The following MED12L variants were observed in gnomAD, a reference collection of about 807,000 sequenced individuals.
MED12L encodes mediator of RNA polymerase II transcription subunit 12-like protein.
Under a neutral mutation model 281.3 loss-of-function variants are expected in MED12L, and 60 were observed. The ratio of observed to expected loss-of-function variants is 0.21; its 90% CI spans 0.17 to 0.26. The LOEUF is 0.26. Among genes scored for constraint, MED12L ranks in the 10% least tolerant of loss-of-function variants. The pLI is 1.00. For synonymous variants in MED12L, 974 were observed against 987.2 expected, an observed-to-expected ratio of 0.99 and a Z score of 0.25; for missense variants, 2,146 against 2,680.9, an observed-to-expected ratio of 0.80 and a Z score of 4.41.
At chr3:151,149,161 T>A (rs561411890) in intron 5 of MED12L, among the ~76,000 whole-genome samples, 6 of 152,118 alleles carry the variant, frequency 3.9e-5, no homozygotes, top group Non-Finnish European at 8.8e-5. Context: ...AGGTGTAGTT[T>A]TACGGGGATG....
intron 43 of MED12L, among the ~76,000 whole-genome samples, chr3:151,426,701 T>C (rs1718914209): frequency 6.6e-6 from 1 of 152,198 alleles, no homozygotes; most frequent in Non-Finnish European, 1.5e-5. Flanking sequence ...TATTCGTTAA[T>C]ACTAAATATT....
intron 16 of MED12L, among the ~76,000 whole-genome samples, chr3:151,332,737 GA>G (rs200405090): frequency 2.2e-5 from 3 of 134,720 alleles, no homozygotes; most frequent in Non-Finnish European, 3.2e-5. Flanking sequence ...AGACTGACGT[GA>G]TTTTTTTTTT....
intron 5 of MED12L, among the ~76,000 whole-genome samples, chr3:151,147,659 G>A (rs1469193754): frequency 2.0e-5 from 3 of 152,180 alleles, no homozygotes; most frequent in Non-Finnish European, 4.4e-5. Context: ...ATGTTTTCCT[G>A]GTACATCCAT....
chr3:151,282,475 T>C (rs911549819), intron 16 of MED12L, among the ~76,000 whole-genome samples: 12 of 152,158 alleles, frequency 7.9e-5, no homozygotes, highest in African/African-American at 2.9e-4. Context: ...TTGAGAAAGA[T>C]GTTGACGTAA....
intron 16 of MED12L, chr3:151,316,545 T>C (rs1748269740): frequency 6.6e-6 from 1 of 152,212 alleles, no homozygotes; most frequent in African/African-American, 2.4e-5. Context: ...CTGTGTCTTA[T>C]CAACCACGGC....
chr3:151,281,951 A>G (rs1452547130), intron 16 of MED12L, among the ~76,000 whole-genome samples: 1 of 152,214 alleles, frequency 6.6e-6, no homozygotes, highest in Non-Finnish European at 1.5e-5. Context: ...ACTGCGCATA[A>G]ATAGCTGGCT....
chr3:151,089,302 T>C (rs1323101768), intron 2 of MED12L, among the ~76,000 whole-genome samples: 2 of 152,178 alleles, frequency 1.3e-5, no homozygotes, highest in African/African-American at 4.8e-5. Context: ...ATTAACACTT[T>C]AAAAGTTCAT....
chr3:151,345,517 C>CTTTTTTTTTTTTTT (rs201731496), intron 16 of MED12L, among the ~76,000 whole-genome samples: 2 of 131,648 alleles, frequency 1.5e-5, no homozygotes, highest in Non-Finnish European at 1.6e-5. Context: ...TTTTCTTTTT[C>CTTTTTTTTTTTTTT]TTTTTTTTTT....
chr3:151,346,491 C>A (rs575889944), intron 16 of MED12L, among the ~76,000 whole-genome samples: 24 of 152,230 alleles, frequency 1.6e-4, no homozygotes, highest in Admixed American at 1.3e-3. Context: ...TTGTGCCCTG[C>A]CACTTAGAGA....
rs752811953 is a variant in MED12L, at chr3:151,291,804, C to T, written c.2251-58255C>T. On this transcript the variant is annotated intron_variant, in intron 16 of 44. Transcript: ENST00000687756. ...TGGATAAATATTTTTCATGCCACAG[C>T]GTGGGAATTGGTATGAAATATAAGC... Among the ~76,000 whole-genome samples the T allele has an allele frequency of 2.2e-4, 34 of 152,044 alleles. 1 individual carries two copies. The highest frequency in any genetic ancestry group is 2.1e-3 in the South Asian group (10 of 4,810).
At chr3:151,269,199 G>A (rs1740400270) in intron 16 of MED12L, among the ~76,000 whole-genome samples, 1 of 152,154 alleles carries the variant, frequency 6.6e-6, no homozygotes, top group Admixed American at 6.5e-5. Flanking sequence ...TCGGGAGTTC[G>A]AGACCAGCCT....
intron 16 of MED12L, among the ~76,000 whole-genome samples, chr3:151,293,470 A>C (rs1744538683): frequency 6.6e-6 from 1 of 152,038 alleles, no homozygotes; most frequent in Non-Finnish European, 1.5e-5. Context: ...TGAGGCATGA[A>C]GCACAGAGAG....
intron 16 of MED12L, among the ~76,000 whole-genome samples, chr3:151,261,915 C>T (rs868163688): frequency 6.6e-6 from 1 of 151,882 alleles, no homozygotes; most frequent in South Asian, 2.1e-4. Context: ...TTAGTAGAGA[C>T]GGGGTTTCAC....
intron 40 of MED12L, 60 bp downstream of exon 40, chr3:151,409,392 G>C: frequency 6.8e-7 from 1 of 1,461,336 alleles, no homozygotes; most frequent in East Asian, 2.3e-5. Flanking sequence ...TTGGAGGTGG[G>C]AAATTAAGTA....
chr3:151,384,182 C>T lies in MED12L; in HGVS notation c.4890C>T (p.Asn1630=). 1 of 1,613,574 alleles carries T rather than the reference C, an allele frequency of 6.2e-7. No individual in the cohort carries two copies. The highest frequency in any genetic ancestry group is 8.5e-7 in the Non-Finnish European group (1 of 1,179,814). ...CATCCCCTGGGGGATCTGAAGAGAA[C>T]AAGCGTGCATACATGAATTTAGTAA... ...SNASPGGSEE[N]KRAYMNLVKK... is the part of the protein sequence containing the mutation. Residue 1630 remains asparagine (N), a synonymous_variant, in exon 35 of 45, where the codon AAC becomes AAT. Coordinates refer to ENST00000687756, the MANE Select transcript of MED12L (RefSeq NM_001393769.1).
chr3:151,319,470 T>TGC (rs911359390), intron 16 of MED12L, among the ~76,000 whole-genome samples: 21 of 49,506 alleles, frequency 4.2e-4, no homozygotes, highest in African/African-American at 2.2e-3. Flanking sequence ...TGTGTGTGCG[T>TGC]GTGTGTGTGT....
chr3:151,305,296 T>C (rs1295108767), intron 16 of MED12L, among the ~76,000 whole-genome samples: 3 of 152,214 alleles, frequency 2.0e-5, no homozygotes, highest in African/African-American at 2.4e-5. Context: ...GAATGTGATG[T>C]TTGTGGTAGG....
At position 151,433,149 on chromosome 3, in the gene MED12L, A is replaced by G. The variant is rs79804360; in HGVS notation, c.*345A>G. 5 of 184,410 alleles carry G rather than the reference A, an allele frequency of 2.7e-5. No homozygotes were observed. In the East Asian group the frequency reaches 7.2e-4, roughly 27 times the overall value. The allele number at this position is 184,410 out of a possible 1,614,324, so 11.4% of individuals were successfully genotyped here. Reference sequence around the variant, plus strand: ...GGATTATGATGGATCTAAGGTATTTATGTATTTCATTCATTAATGATGACG... The same window carrying G: ...GGATTATGATGGATCTAAGGTATTTGTGTATTTCATTCATTAATGATGACG... On this transcript the variant is annotated 3_prime_UTR_variant, in exon 45 of 45. Transcript: ENST00000687756.
At chr3:151,161,264 TTA>T (rs1719948583) in intron 8 of MED12L, among the ~76,000 whole-genome samples, 1 of 143,636 alleles carries the variant, frequency 7.0e-6, no homozygotes, top group Non-Finnish European at 1.5e-5. Flanking sequence ...TGTTTGTCCT[TTA>T]TTTAGAACCT....
Sources: allele counts gnomAD v4.1 joint callset (sites outside exome capture counted in the v4.1 genomes callset), GRCh38; gene constraint gnomAD v4.1.1; transcripts MANE v1.5; gene names NCBI Gene and HGNC (gene_info 2026-07-23, HGNC 2026-07-21).